CELSR1: variants seen among roughly 807,000 people sequenced by gnomAD.
CELSR1 encodes the protein adhesion G protein-coupled receptor C1.
A neutral mutation model predicts 249.1 loss-of-function variants in CELSR1; 110 were observed. That is an observed-to-expected ratio of 0.44 (90% CI 0.38 to 0.52). CELSR1 has a LOEUF of 0.52. Among genes scored for constraint, CELSR1 ranks in the 20% least tolerant of loss-of-function variants. The pLI, the probability that CELSR1 is intolerant of heterozygous loss-of-function variation, is 0.00. For missense variants in CELSR1, 4,109 were observed against 4,296.4 expected (o/e 0.96, Z 1.22); for synonymous variants, 2,113 against 1,900.0 (o/e 1.11, Z -2.92).
At position 46,430,791 on chromosome 22, in the gene CELSR1, GC is replaced by G. The variant is rs937505035; in HGVS notation, c.4611+2601del. 4.6e-5 allele frequency among the ~76,000 whole-genome samples: 7 copies of G among 151,852 alleles called. No individual in the cohort carries two copies. Among genetic ancestry groups the G allele is most frequent in the African/African-American group, 1.7e-4 (7 of 41,318 alleles). Reference sequence around the variant, plus strand: ...CACTGCTCCCAACCTGACTGGTCCTGCCCCCAGCTCAGGTGCACTCCAGAGG... The same window carrying G: ...CACTGCTCCCAACCTGACTGGTCCTGCCCCAGCTCAGGTGCACTCCAGAGG... On this transcript the variant is annotated intron_variant, in intron 5 of 34. Transcript: ENST00000674500. This position sits in a 1 kb window ranked among gnomAD's most constrained non-coding sequence, Gnocchi z 4.6.
At position 46,396,845 on chromosome 22, in the gene CELSR1, TC is replaced by T; in HGVS notation, c.5702-100del. The T allele has an allele frequency of 2.1e-6, 3 of 1,462,974 alleles. No individual in the cohort carries two copies. The highest frequency in any genetic ancestry group is 2.8e-6 in the Non-Finnish European group (3 of 1,073,988). The allele number at this position is 1,462,974 out of a possible 1,614,324, so 90.6% of individuals were successfully genotyped here. ...CTGTCCCCTCCAGAAGATCTGACTTTCCCTGGTACTCAGCAGAGGGAAGAGG... is the reference window on the plus strand; with the variant it reads ...CTGTCCCCTCCAGAAGATCTGACTTTCCTGGTACTCAGCAGAGGGAAGAGG... On this transcript the variant is annotated intron_variant, in intron 12 of 34. Coordinates refer to ENST00000674500, the MANE Select transcript of CELSR1 (RefSeq NM_001378328.1). The surrounding 1 kb of genome is among the most constrained non-coding windows in gnomAD (Gnocchi z 6.4).
rs1428665811 is a variant in CELSR1, at chr22:46,430,930, G to A, written c.4611+2463C>T. Among the ~76,000 whole-genome samples the A allele has an allele frequency of 6.6e-6, 1 of 152,200 alleles. No individual in the cohort carries two copies. Among genetic ancestry groups the A allele is most frequent in the Non-Finnish European group, 1.5e-5 (1 of 68,032 alleles). ...ATAATCTCTGCTAACACATCCTAGT[G>A]TGTGGCCCCGTCAGACCTCCTAATG... On this transcript the variant is annotated intron_variant, in intron 5 of 34. Transcript: ENST00000674500. The surrounding 1 kb of genome is among the most constrained non-coding windows in gnomAD (Gnocchi z 4.6).
intron 1 of CELSR1, among the ~76,000 whole-genome samples, chr22:46,522,823 G>A (rs738464): frequency 0.6 from 91,301 of 152,130 alleles, 28,564 homozygotes; most frequent in East Asian, 0.82. Flanking sequence ...CAGACCCAGC[G>A]TCAGGCAATC....
In CELSR1 at chr22:46,473,292, G is replaced by C. The variant is rs1457916878; in HGVS notation, c.3545-8947C>G. Among the ~76,000 whole-genome samples the C allele has an allele frequency of 6.6e-6, 1 of 152,118 alleles. No homozygotes were observed. On this transcript the variant is annotated intron_variant, in intron 1 of 34. Coordinates refer to ENST00000674500, the MANE Select transcript of CELSR1 (RefSeq NM_001378328.1). This position sits in a 1 kb window ranked among gnomAD's most constrained non-coding sequence, Gnocchi z 6.6. ...AGTGGCGGGGCCCAGATTAACCTGA[G>C]GCCAAGTCCCCAGTGATGGTGGATG...
At chr22:46,477,072 T>A (rs996341614) in intron 1 of CELSR1, among the ~76,000 whole-genome samples, 1 of 152,190 alleles carries the variant, frequency 6.6e-6, no homozygotes, top group Admixed American at 6.5e-5. Flanking sequence ...AACCAAGCTG[T>A]CGAATGAAGT....
rs1031935940 is a variant in CELSR1 at position 46,526,378 on chromosome 22, T to G, written c.3544+7249A>C. ...GGTGCTGTGCGTAACCCGCCAACTCTGCTGGGCCTTTAGCTCAGCCTTGTG... is the reference window on the plus strand; with the variant it reads ...GGTGCTGTGCGTAACCCGCCAACTCGGCTGGGCCTTTAGCTCAGCCTTGTG... On this transcript the variant is annotated intron_variant, in intron 1 of 34. Transcript: ENST00000674500. This position sits in a 1 kb window ranked among gnomAD's most constrained non-coding sequence, Gnocchi z 4.7. Among the ~76,000 whole-genome samples the G allele has an allele frequency of 1.3e-5, 2 of 152,206 alleles. No individual in the cohort carries two copies. The highest frequency in any genetic ancestry group is 4.8e-5 in the African/African-American group (2 of 41,448).
Position 46,374,517 on chromosome 22 carries a change from A to G in CELSR1, c.7585-1460T>C, listed in dbSNP as rs1222564387. On this transcript the variant is annotated intron_variant, in intron 24 of 34. Coordinates refer to ENST00000674500, the MANE Select transcript of CELSR1 (RefSeq NM_001378328.1). The surrounding 1 kb of genome is among the most constrained non-coding windows in gnomAD (Gnocchi z 4.3). ...TACAAAAAAACCATAAAGCCCAGGC[A>G]CTCTGCCAAGCCCCTAGAACGCTGC... Among the ~76,000 whole-genome samples the G allele has an allele frequency of 6.6e-6, 1 of 152,136 alleles. No individual in the cohort carries two copies. The highest frequency in any genetic ancestry group is 1.5e-5 in the Non-Finnish European group (1 of 68,024).
chr22:46,534,916 T>C lies in CELSR1; in HGVS notation c.2255A>G (p.Tyr752Cys). Reference sequence around the variant, plus strand: ...CAGCACGTACTGCTGCTCCTGCTTGTAGTCCAGAGGTAGCGCCAGGGTGAT... The same window carrying C: ...CAGCACGTACTGCTGCTCCTGCTTGCAGTCCAGAGGTAGCGCCAGGGTGAT... ...GLITLALPLD[Y>C]KQEQQYVLAV... Residue 752 changes from tyrosine to cysteine, a missense_variant, in exon 1 of 35, where the codon TAC becomes TGC. Tyr to Cys is a radical substitution (Grantham distance 194). This residue lies in a region of CELSR1 where 886 missense variants were observed against 896.5 expected (regional missense o/e 0.99). Transcript: ENST00000674500. This position sits in a 1 kb window ranked among gnomAD's most constrained non-coding sequence, Gnocchi z 9.7. 1 of 1,612,560 alleles carries C rather than the reference T, an allele frequency of 6.2e-7. No homozygotes were observed. The highest frequency in any genetic ancestry group is 1.3e-5 in the African/African-American group (1 of 75,046).
At chr22:46,385,189 C>T (rs1195332329) in intron 19 of CELSR1, among the ~76,000 whole-genome samples, 4 of 152,084 alleles carry the variant, frequency 2.6e-5, no homozygotes, top group African/African-American at 9.7e-5. Context: ...CGTCCTCCTG[C>T]GCTCAAGCGA....
At chr22:46,400,966 T>A (rs1602083184) in intron 9 of CELSR1, among the ~76,000 whole-genome samples, 1 of 146,254 alleles carries the variant, frequency 6.8e-6, no homozygotes, top group Non-Finnish European at 1.5e-5. Context: ...AAAAAAAAAG[T>A]ATAGGCAAAG....
At position 46,381,427 on chromosome 22, in the gene CELSR1, G is replaced by T. The variant is rs922711049; in HGVS notation, c.7088+419C>A. Among the ~76,000 whole-genome samples the T allele has an allele frequency of 1.3e-5, 2 of 152,176 alleles. No individual in the cohort carries two copies. Among genetic ancestry groups the T allele is most frequent in the Admixed American group, 6.5e-5 (1 of 15,294 alleles). Reference sequence around the variant, plus strand: ...GCCTTGGGCTGCTCCCACCGAGCAGGTTGCAAAGCTGCTTCTGGGACATTC... The same window carrying T: ...GCCTTGGGCTGCTCCCACCGAGCAGTTTGCAAAGCTGCTTCTGGGACATTC... On this transcript the variant is annotated intron_variant, in intron 21 of 34. Transcript: ENST00000674500. The surrounding 1 kb of genome is among the most constrained non-coding windows in gnomAD (Gnocchi z 6.0).
chr22:46,480,233 C>T (rs1003991173), intron 1 of CELSR1, among the ~76,000 whole-genome samples: 4 of 152,318 alleles, frequency 2.6e-5, no homozygotes, highest in Admixed American at 1.3e-4. Context: ...ATTAGTGTGT[C>T]GTCGCCTGTC....
chr22:46,361,860 A>C lies in CELSR1; in HGVS notation c.*1363T>G, dbSNP rs2078708034. ...AACGCTAAAATCAAACATGTCTGAC[A>C]GTTCCGGGACCCGTTCCACAGCCCC... On this transcript the variant is annotated 3_prime_UTR_variant, in exon 35 of 35. Coordinates refer to ENST00000674500, the MANE Select transcript of CELSR1 (RefSeq NM_001378328.1). 1 of 152,276 alleles carries C rather than the reference A, an allele frequency of 6.6e-6. No homozygotes were observed. Among genetic ancestry groups the C allele is most frequent in the African/African-American group, 2.4e-5 (1 of 41,480 alleles). 9.4% of individuals were successfully genotyped at this position (152,276 alleles called of 1,614,324 possible). A position where few individuals can be genotyped will look rare whatever the true frequency, so the allele number is the denominator to read the frequency against.
chr22:46,369,216 G>C lies in CELSR1; in HGVS notation c.7915C>G (p.Gln2639Glu). The part of the protein sequence containing the change: ...TSVLSAKVSC[Q>E]RKHHYYGKKG... ...TTCCCATAATAATGGTGCTTTCTTT[G>C]GCAGGAAACCTTTGCAGATAGGACA... is the stretch of plus-strand genomic sequence containing the variant. The change falls in exon 27 of 35, where the codon CAA (glutamine) becomes GAA (glutamate). Residue 2639 changes from glutamine to glutamate, a missense_variant. Transcript: ENST00000674500. 1 of 1,614,018 alleles carries C rather than the reference G, an allele frequency of 6.2e-7. No homozygotes were observed. Among genetic ancestry groups the C allele is most frequent in the Non-Finnish European group, 8.5e-7 (1 of 1,179,972 alleles).
At chr22:46,498,611 C>CAAA (rs35803268) in intron 1 of CELSR1, among the ~76,000 whole-genome samples, 1 of 109,066 alleles carries the variant, frequency 9.2e-6, no homozygotes, top group African/African-American at 3.7e-5. Context: ...GACTCTGTCT[C>CAAA]AAAAAAAAAA....
Position 46,526,167 on chromosome 22 carries a change from GCCT to G in CELSR1, c.3544+7457_3544+7459del, listed in dbSNP as rs1569219398. Among the ~76,000 whole-genome samples the G allele has an allele frequency of 1.3e-5, 2 of 152,038 alleles. No homozygotes were observed. ...TCTCCCAGGCCCCTTTTTCCCGTCC[GCCT>G]CCTGCTCCTCCATTCCCTCCAGGTC... On this transcript the variant is annotated intron_variant, in intron 1 of 34. Transcript: ENST00000674500. This position sits in a 1 kb window ranked among gnomAD's most constrained non-coding sequence, Gnocchi z 4.7.
Position 46,391,815 on chromosome 22 carries a change from T to C in CELSR1, c.5966A>G (p.Glu1989Gly), listed in dbSNP as rs764662180. ...NKTNGQCQCK[E>G]NYYKLLAQDT... ...CTGGGCTAGGAGCTTGTAGTAATTC[T>C]CCTGCAAAAGCCAGAGGCAGGGCCT... Residue 1989 changes from glutamate (E) to glycine (G), a missense_variant and splice_region_variant, in exon 15 of 35, where the codon GAG (glutamate) becomes GGG (glycine). By Grantham distance (98) the Glu-to-Gly change is moderately conservative (BLOSUM62 -2). This residue lies in a region of CELSR1 where 1,805 missense variants were observed against 1,831.6 expected (regional missense o/e 0.99). Transcript: ENST00000674500. This position sits in a 1 kb window ranked among gnomAD's most constrained non-coding sequence, Gnocchi z 4.3. 2.5e-6 allele frequency: 4 copies of C among 1,608,700 alleles called. No homozygotes were observed. The Admixed American group carries it at 6.8e-5, about 27-fold the overall frequency.
intron 1 of CELSR1, among the ~76,000 whole-genome samples, chr22:46,494,631 C>G (rs1274348315): frequency 6.6e-6 from 1 of 152,152 alleles, no homozygotes; most frequent in Non-Finnish European, 1.5e-5. Context: ...GCCTCAGCCT[C>G]CAGAGTAGCC....
chr22:46,528,236 TG>T (rs1187539004), intron 1 of CELSR1, among the ~76,000 whole-genome samples: 1 of 152,152 alleles, frequency 6.6e-6, no homozygotes, highest in African/African-American at 2.4e-5. Flanking sequence ...TAAAAGCCAC[TG>T]CAATATCCTG....
Sources: allele counts gnomAD v4.1 joint callset (sites outside exome capture counted in the v4.1 genomes callset), GRCh38; gene constraint gnomAD v4.1.1; regional missense constraint gnomAD v4.1.1; non-coding constraint Gnocchi (gnomAD v3.1); transcripts MANE v1.5; gene names NCBI Gene and HGNC (gene_info 2026-07-23, HGNC 2026-07-21).